Variants in CMC2 observed in about 807,000 individuals in gnomAD.
CMC2 encodes the protein COX assembly mitochondrial protein 2 homolog.
CMC2 carries 5 observed loss-of-function variants against 7.5 expected under a neutral mutation model. That is an observed-to-expected ratio of 0.66 (90% CI 0.35 to 1.40). The LOEUF is 1.40. CMC2 is among the 40% of genes most tolerant of loss of function. CMC2 has a pLI of 0.04. For synonymous variants in CMC2, 37 were observed against 31.4 expected (o/e 1.18, Z -0.60); for missense variants, 115 against 92.3 (o/e 1.25, Z -1.01).
chr16:80,980,657 A>G (rs1042492461), intron 3 of CMC2: 40 of 483,080 alleles, frequency 8.3e-5, no homozygotes, highest in African/African-American at 7.4e-4. Flanking sequence ...TGGGAGGCCA[A>G]GGTGGGAGGA....
chr16:80,981,734 C>T, intron 3 of CMC2, 72 bp downstream of exon 3: 2 of 903,582 alleles, frequency 2.2e-6, no homozygotes, highest in East Asian at 2.7e-5. Context: ...TCAATAATGG[C>T]AGTAATACAC....
In CMC2 at chr16:80,973,531, G is replaced by C. The variant is rs907237522; in HGVS notation, c.*2562C>G. On this transcript the variant is annotated 3_prime_UTR_variant, in exon 4 of 4. Coordinates refer to ENST00000219400, the MANE Select transcript of CMC2 (RefSeq NM_020188.5). ...ACCATAACTATTCACCGAATAACCAGAAAGATCTTTATAAAATATAAATAA... is the reference window on the plus strand; with the variant it reads ...ACCATAACTATTCACCGAATAACCACAAAGATCTTTATAAAATATAAATAA... 1.6e-4 allele frequency: 24 copies of C among 152,144 alleles called. No individual in the cohort carries two copies. The highest frequency in any genetic ancestry group is 5.8e-4 in the African/African-American group (24 of 41,436). The allele number at this position is 152,144 out of a possible 1,614,324, so 9.4% of individuals were successfully genotyped here. A position where few individuals can be genotyped will look rare whatever the true frequency, so the allele number is the denominator to read the frequency against.
chr16:80,998,858 C>G (rs1242718020), intron 1 of CMC2: 6 of 152,148 alleles, frequency 3.9e-5, no homozygotes, highest in Admixed American at 3.9e-4. Context: ...ATGTGATTAT[C>G]TCAATAGATG....
chr16:80,995,778 G>A (rs1968369281), intron 2 of CMC2, among the ~76,000 whole-genome samples: 1 of 152,170 alleles, frequency 6.6e-6, no homozygotes, highest in Non-Finnish European at 1.5e-5. Flanking sequence ...TTAAGGGTTG[G>A]GGACTCACTG....
chr16:80,989,163 A>G (rs1319045279), intron 2 of CMC2, among the ~76,000 whole-genome samples: 2 of 152,172 alleles, frequency 1.3e-5, no homozygotes, highest in African/African-American at 4.8e-5. Flanking sequence ...ACACTTTGAG[A>G]CCATTTAACT....
chr16:80,977,728 CA>C lies in CMC2; in HGVS notation c.154-1550del, dbSNP rs1688484494. 3.3e-5 allele frequency among the ~76,000 whole-genome samples: 5 copies of C among 152,192 alleles called. No individual in the cohort carries two copies. In the South Asian group the frequency reaches 1.0e-3, roughly 32 times the overall value. On this transcript the variant is annotated intron_variant, in intron 3 of 3. Transcript: ENST00000219400. The stretch of plus-strand genomic sequence containing the variant: ...AAAAGTTTTGACTGAAGGATTCTAA[CA>C]TATCTTCTGGAATGGTAGTTTTCAA...
At chr16:80,994,903 T>G (rs1284873912) in intron 2 of CMC2, among the ~76,000 whole-genome samples, 1 of 152,126 alleles carries the variant, frequency 6.6e-6, no homozygotes, top group Non-Finnish European at 1.5e-5. Context: ...CCCAGCACTT[T>G]GGGGGGCCAT....
Position 80,976,010 on chromosome 16 carries a change from A to G in CMC2, c.*83T>C. ...ACTTTCCATTCAAAGGATTATGGAGACCAAATAAGACAGGATTCTTTCAGG... is the reference window on the plus strand; with the variant it reads ...ACTTTCCATTCAAAGGATTATGGAGGCCAAATAAGACAGGATTCTTTCAGG... On this transcript the variant is annotated 3_prime_UTR_variant, in exon 4 of 4. Coordinates refer to ENST00000219400, the MANE Select transcript of CMC2 (RefSeq NM_020188.5). 2 of 776,682 alleles carry G rather than the reference A, an allele frequency of 2.6e-6. No homozygotes were observed. The highest frequency in any genetic ancestry group is 4.5e-6 in the Non-Finnish European group (2 of 443,308). The allele number at this position is 776,682 out of a possible 1,614,324, so 48.1% of individuals were successfully genotyped here.
intron 3 of CMC2, chr16:80,978,496 A>C (rs1966869492): frequency 4.7e-6 from 3 of 635,360 alleles, no homozygotes; most frequent in Admixed American, 2.9e-5. Context: ...TGAAAGGCCA[A>C]TTAACCCCAA....
chr16:81,003,506 A>T (rs549150072), intron 1 of CMC2, among the ~76,000 whole-genome samples: 9 of 152,236 alleles, frequency 5.9e-5, no homozygotes, highest in Non-Finnish European at 1.0e-4. Context: ...CCACATTTTC[A>T]TAGAGAAACT....
rs1405674943 is a variant in CMC2 at position 80,966,542 on chromosome 16, A to G, written c.*9551T>C. 6.7e-6 allele frequency: 1 copy of G among 150,318 alleles called. No homozygotes were observed. Among genetic ancestry groups the G allele is most frequent in the Non-Finnish European group, 1.5e-5 (1 of 67,970 alleles). 9.3% of individuals were successfully genotyped at this position (150,318 alleles called of 1,614,324 possible). On this transcript the variant is annotated 3_prime_UTR_variant, in exon 4 of 4. Transcript: ENST00000219400. ...AGGTTGAAAATCTTGGTTTCTACTG[A>G]CACTAACATCATAACTTTAAAACGT...
In CMC2 at chr16:80,975,971, A is replaced by G. The variant is rs559286159; in HGVS notation, c.*122T>C. The G allele has an allele frequency of 4.3e-5, 29 of 668,510 alleles. 1 individual carries two copies. In the Middle Eastern group the frequency reaches 4.7e-3, roughly 109 times the overall value. The allele number at this position is 668,510 out of a possible 1,614,324, so 41.4% of individuals were successfully genotyped here. A position where few individuals can be genotyped will look rare whatever the true frequency, so the allele number is the denominator to read the frequency against. Reference sequence around the variant, plus strand: ...GGTTTTCATATTTCTCCATGGTTCAATCTCTCACAGGTCACTTTCCATTCA... The same window carrying G: ...GGTTTTCATATTTCTCCATGGTTCAGTCTCTCACAGGTCACTTTCCATTCA... On this transcript the variant is annotated 3_prime_UTR_variant, in exon 4 of 4. Coordinates refer to ENST00000219400, the MANE Select transcript of CMC2 (RefSeq NM_020188.5).
chr16:80,978,871 G>A (rs775520797), intron 3 of CMC2, among the ~76,000 whole-genome samples: 6 of 152,146 alleles, frequency 3.9e-5, no homozygotes, highest in East Asian at 1.9e-4. Context: ...AACAAGCTCA[G>A]AAGATCAAGA....
chr16:80,994,265 G>A (rs546820231), intron 2 of CMC2, among the ~76,000 whole-genome samples: 14 of 151,826 alleles, frequency 9.2e-5, no homozygotes, highest in African/African-American at 3.4e-4. Context: ...ACGAATCATA[G>A]ACCAATGTAA....
At chr16:80,989,714 C>G (rs981109886) in intron 2 of CMC2, among the ~76,000 whole-genome samples, 1 of 152,188 alleles carries the variant, frequency 6.6e-6, no homozygotes, top group Non-Finnish European at 1.5e-5. Flanking sequence ...TATTCTACAT[C>G]TTATATATAT....
At chr16:80,987,421 A>G (rs1967629998) in intron 2 of CMC2, among the ~76,000 whole-genome samples, 1 of 152,234 alleles carries the variant, frequency 6.6e-6, no homozygotes. Flanking sequence ...TACTTTTTTA[A>G]CACTATCTAA....
chr16:80,978,653 G>C (rs1026475238), intron 3 of CMC2, among the ~76,000 whole-genome samples: 3 of 151,560 alleles, frequency 2.0e-5, no homozygotes, highest in Middle Eastern at 3.4e-3. Flanking sequence ...AGAACTCCTT[G>C]AGCCCAGGAG....
rs1257028327 is a variant in CMC2 at position 80,967,603 on chromosome 16, T to A, written c.*8490A>T. On this transcript the variant is annotated 3_prime_UTR_variant, in exon 4 of 4. Coordinates refer to ENST00000219400, the MANE Select transcript of CMC2 (RefSeq NM_020188.5). ...ATCCGCCCGCCTCGGCCTCCCAAAG[T>A]GCTGGGTTTACAGGCGTGAGCCACC... is the stretch of plus-strand genomic sequence containing the variant. 6.6e-6 allele frequency: 1 copy of A among 152,322 alleles called. No individual in the cohort carries two copies. The highest frequency in any genetic ancestry group is 1.5e-5 in the Non-Finnish European group (1 of 68,110). 9.4% of individuals were successfully genotyped at this position (152,322 alleles called of 1,614,324 possible).
intron 3 of CMC2, among the ~76,000 whole-genome samples, chr16:80,979,570 G>A (rs917001615): frequency 6.6e-6 from 1 of 151,706 alleles, no homozygotes; most frequent in Non-Finnish European, 1.5e-5. Context: ...AAAATAATAT[G>A]AGCTATATTT....
Sources: allele counts gnomAD v4.1 joint callset (sites outside exome capture counted in the v4.1 genomes callset), GRCh38; gene constraint gnomAD v4.1.1; transcripts MANE v1.5; gene names NCBI Gene and HGNC (gene_info 2026-07-23, HGNC 2026-07-21).